The following ANO10 variants were observed in gnomAD, a reference collection of about 807,000 sequenced individuals.
ANO10 encodes anoctamin-10.
ANO10 carries 77 observed loss-of-function variants against 74.7 expected under a neutral mutation model. That is an observed-to-expected ratio of 1.03 (90% CI 0.86 to 1.25). The LOEUF (loss-of-function observed/expected upper bound fraction) is 1.25, where lower values mean the gene tolerates loss of function less well. Ranked by LOEUF, ANO10 falls within the 50% of genes most tolerant of loss-of-function variation. The probability of loss-of-function intolerance (pLI) is 0.00; values close to 1 mark genes in which losing one functional copy is unlikely to be tolerated. For missense variants in ANO10, 721 were observed against 778.1 expected, an observed-to-expected ratio of 0.93 and a Z score of 0.87; for synonymous variants, 279 against 284.9, an observed-to-expected ratio of 0.98 and a Z score of 0.21.
intron 12 of ANO10, among the ~76,000 whole-genome samples, chr3:43,428,948 T>A (rs1031310871): frequency 2.0e-5 from 3 of 152,008 alleles, no homozygotes; most frequent in African/African-American, 7.2e-5. Flanking sequence ...GCACTTTGGA[T>A]AAAGGATACT....
Position 43,598,609 on chromosome 3 carries a change from A to C in ANO10, c.395T>G (p.Leu132Arg), listed in dbSNP as rs374398458. Reference protein sequence around the residue: ...AECQFIIKHELENLRAKDEKM... With the variant: ...AECQFIIKHERENLRAKDEKM... ...TTCATCTTTAGCTCTAAGATTTTCA[A>C]GTTCATGTTTGATAATGAATTGACA... Residue 132 changes from leucine (L) to arginine (R), a missense_variant, in exon 4 of 13, where the codon CTT (leucine) becomes CGT (arginine). Leu to Arg is a moderately radical substitution (Grantham distance 102). Transcript: ENST00000292246. The C allele has an allele frequency of 6.2e-7, 1 of 1,612,102 alleles. No individual in the cohort carries two copies. Among genetic ancestry groups the C allele is most frequent in the African/African-American group, 1.3e-5 (1 of 74,908 alleles).
intron 12 of ANO10, among the ~76,000 whole-genome samples, chr3:43,370,623 A>G (rs1456243197): frequency 6.6e-6 from 1 of 152,220 alleles, no homozygotes; most frequent in African/African-American, 2.4e-5. Flanking sequence ...TCCTTAAATT[A>G]AAATCTTCAT....
intron 11 of ANO10, among the ~76,000 whole-genome samples, chr3:43,517,839 G>T (rs184966534): frequency 1.6e-3 from 240 of 152,246 alleles, no homozygotes; most frequent in African/African-American, 5.5e-3. Flanking sequence ...CTGATTGTGT[G>T]CTTAAATACT....
At position 43,467,168 on chromosome 3, in the gene ANO10, C is replaced by T. The variant is rs1365426980; in HGVS notation, c.1798-34441G>A. ...TGAAGTTTATGTAAAATGTTAAAAC[C>T]ACTCTATAAAACAGTTAGAAAATTT... On this transcript the variant is annotated intron_variant, in intron 11 of 12. Coordinates refer to ENST00000292246, the MANE Select transcript of ANO10 (RefSeq NM_018075.5). Among the ~76,000 whole-genome samples, 3 of 152,124 alleles carry T rather than the reference C, an allele frequency of 2.0e-5. No individual in the cohort carries two copies. In the East Asian group the frequency reaches 5.8e-4, roughly 29 times the overall value.
chr3:43,447,239 G>A (rs559326035), intron 11 of ANO10, among the ~76,000 whole-genome samples: 4 of 152,236 alleles, frequency 2.6e-5, no homozygotes, highest in East Asian at 3.9e-4. Context: ...AGAACTGCTC[G>A]GTCAAAGGAT....
At chr3:43,523,634 C>A (rs1483798068) in intron 11 of ANO10, among the ~76,000 whole-genome samples, 1 of 152,134 alleles carries the variant, frequency 6.6e-6, no homozygotes, top group African/African-American at 2.4e-5. Flanking sequence ...GGATGACTAA[C>A]CCCAAGTTCT....
At chr3:43,549,364 T>TG (rs1170550216) in intron 11 of ANO10, among the ~76,000 whole-genome samples, 8 of 152,174 alleles carry the variant, frequency 5.3e-5, no homozygotes, top group Non-Finnish European at 1.2e-4. Context: ...ACCCAGGTCT[T>TG]GAACTCCTGG....
intron 11 of ANO10, among the ~76,000 whole-genome samples, chr3:43,433,037 G>A (rs1454391101): frequency 7.8e-6 from 1 of 128,352 alleles, no homozygotes; most frequent in East Asian, 2.7e-4. Context: ...TTGGCTCACT[G>A]TAACCTCTGC....
rs868137570 is a variant in ANO10 at position 43,489,172 on chromosome 3, G to A, written c.1798-56445C>T. Among the ~76,000 whole-genome samples the A allele has an allele frequency of 1.7e-4, 21 of 126,290 alleles. No homozygotes were observed. In the South Asian group the frequency reaches 4.5e-3, roughly 27 times the overall value. 82.9% of individuals were successfully genotyped at this position (126,290 alleles called of 152,430 possible). A position where few individuals can be genotyped will look rare whatever the true frequency, so the allele number is the denominator to read the frequency against. On this transcript the variant is annotated intron_variant, in intron 11 of 12. Coordinates refer to ENST00000292246, the MANE Select transcript of ANO10 (RefSeq NM_018075.5). ...ATATCACACTCTGGGGACTGTTGTGGGGTGGGGGGAGGGGGGAGGGATAGC... is the reference window on the plus strand; with the variant it reads ...ATATCACACTCTGGGGACTGTTGTGAGGTGGGGGGAGGGGGGAGGGATAGC...
At chr3:43,465,117 CATATA>C (rs1230435392) in intron 11 of ANO10, among the ~76,000 whole-genome samples, 2 of 152,056 alleles carry the variant, frequency 1.3e-5, no homozygotes, top group African/African-American at 4.8e-5. Context: ...AGTTTTACCC[CATATA>C]AATAAAACTA....
intron 11 of ANO10, among the ~76,000 whole-genome samples, chr3:43,495,109 C>T (rs1438939634): frequency 2.0e-5 from 3 of 151,396 alleles, no homozygotes; most frequent in Admixed American, 1.3e-4. Context: ...CTCAAAATAA[C>T]GTGATAAAAG....
chr3:43,385,977 A>G (rs2125706073), intron 12 of ANO10, among the ~76,000 whole-genome samples: 1 of 152,354 alleles, frequency 6.6e-6, no homozygotes, highest in East Asian at 1.9e-4. Flanking sequence ...CAAAAATATT[A>G]TACAACATTA....
At chr3:43,550,979 C>G (rs1263763284) in intron 10 of ANO10, among the ~76,000 whole-genome samples, 1 of 152,188 alleles carries the variant, frequency 6.6e-6, no homozygotes, top group Admixed American at 6.5e-5. Context: ...ATACTACATA[C>G]TGTCAGGCCC....
At chr3:43,388,356 C>T (rs969817595) in intron 12 of ANO10, among the ~76,000 whole-genome samples, 1 of 152,104 alleles carries the variant, frequency 6.6e-6, no homozygotes, top group African/African-American at 2.4e-5. Flanking sequence ...CTGTTGGCAG[C>T]CAGCATTATG....
At chr3:43,545,129 T>C (rs1373911976) in intron 11 of ANO10, among the ~76,000 whole-genome samples, 1 of 152,186 alleles carries the variant, frequency 6.6e-6, no homozygotes, top group Admixed American at 6.5e-5. Flanking sequence ...TTTGAGTTAG[T>C]AAAATTTCTG....
At chr3:43,392,154 TCTCA>T (rs769450680) in intron 12 of ANO10, among the ~76,000 whole-genome samples, 21 of 150,176 alleles carry the variant, frequency 1.4e-4, no homozygotes, top group Non-Finnish European at 1.5e-4. Context: ...ACTGAATCTT[TCTCA>T]CTGACTTTAA....
chr3:43,377,867 G>C (rs2091854151), intron 12 of ANO10, among the ~76,000 whole-genome samples: 1 of 152,180 alleles, frequency 6.6e-6, no homozygotes, highest in African/African-American at 2.4e-5. Flanking sequence ...CAAAGAATAG[G>C]AATAAACACT....
At chr3:43,562,368 C>T (rs1307523794) in intron 8 of ANO10, among the ~76,000 whole-genome samples, 22 of 147,642 alleles carry the variant, frequency 1.5e-4, no homozygotes, top group Non-Finnish European at 1.8e-4. Context: ...AGGAGAATGG[C>T]GTGAACCCAG....
chr3:43,433,174 T>C (rs1559539464), intron 11 of ANO10, among the ~76,000 whole-genome samples: 1 of 152,032 alleles, frequency 6.6e-6, no homozygotes, highest in Non-Finnish European at 1.5e-5. Context: ...CTCAAACTCC[T>C]GACCTCAGGT....
Sources: gnomAD v4.1 joint callset for allele counts (sites outside exome capture counted in the v4.1 genomes callset) on GRCh38, gnomAD v4.1.1 for gene constraint, MANE v1.5 for transcripts, NCBI Gene and HGNC (gene_info 2026-07-23, HGNC 2026-07-21) for gene names.